The following MTAP variants were observed in gnomAD, a reference collection of about 807,000 sequenced individuals.
MTAP encodes the protein S-methyl-5'-thioadenosine phosphorylase.
Under a neutral mutation model 33.6 loss-of-function variants are expected in MTAP, and 33 were observed. That is an observed-to-expected ratio of 0.98 (90% CI 0.74 to 1.31). MTAP has a LOEUF of 1.31. Ranked by LOEUF, MTAP falls within the 40% of genes most tolerant of loss-of-function variation. MTAP has a pLI of 0.00. For synonymous variants in MTAP, 148 were observed against 125.7 expected (o/e 1.18, Z -1.19); for missense variants, 367 against 360.0 (o/e 1.02, Z -0.16).
chr9:21,826,276 T>G (rs1409938780), intron 4 of MTAP, among the ~76,000 whole-genome samples: 1 of 152,034 alleles, frequency 6.6e-6, no homozygotes, highest in Non-Finnish European at 1.5e-5. Flanking sequence ...CATGAACTTT[T>G]TTTTTAATAG....
At chr9:21,827,407 A>G (rs3922992) in intron 4 of MTAP, among the ~76,000 whole-genome samples, 52,421 of 151,996 alleles carry the variant, frequency 0.34, 9,858 homozygotes, top group East Asian at 0.44. Flanking sequence ...ATTCATTATA[A>G]TTTCCAGTCT....
At chr9:21,833,213 G>C (rs1435422467) in intron 4 of MTAP, among the ~76,000 whole-genome samples, 1 of 151,984 alleles carries the variant, frequency 6.6e-6, no homozygotes, top group Non-Finnish European at 1.5e-5. Context: ...TTTGAGACAA[G>C]ATCTCACTCT....
intron 5 of MTAP, among the ~76,000 whole-genome samples, chr9:21,846,089 T>A (rs1183245967): frequency 6.6e-6 from 1 of 152,128 alleles, no homozygotes. Flanking sequence ...TGGATCTTCA[T>A]CTCTCATATA....
intron 1 of MTAP, among the ~76,000 whole-genome samples, chr9:21,911,822 A>G (rs548679800): frequency 1.3e-5 from 2 of 152,336 alleles, no homozygotes; most frequent in East Asian, 3.9e-4. Flanking sequence ...AACCCATCAA[A>G]AAAATCAATG....
intron 4 of MTAP, among the ~76,000 whole-genome samples, chr9:21,835,664 G>A (rs567463425): frequency 6.6e-6 from 1 of 152,170 alleles, no homozygotes; most frequent in South Asian, 2.1e-4. Context: ...AGGAGGACTG[G>A]TGCTATTAAA....
At chr9:21,886,896 G>A (rs568310664) in intron 1 of MTAP, among the ~76,000 whole-genome samples, 118 of 152,100 alleles carry the variant, frequency 7.8e-4, no homozygotes, top group African/African-American at 2.5e-3. Flanking sequence ...TGTTCTTTTC[G>A]CTTAGTCTTG....
intron 6 of MTAP, among the ~76,000 whole-genome samples, chr9:21,856,706 G>A (rs530758640): frequency 6.6e-6 from 1 of 152,332 alleles, no homozygotes; most frequent in South Asian, 2.1e-4. Context: ...AGCTCTGTAA[G>A]TGGAAAGGCT....
downstream of MTAP, chr9:21,931,873 T>C (rs1294521122): frequency 1.3e-5 from 2 of 152,178 alleles, no homozygotes; most frequent in African/African-American, 4.8e-5. Context: ...CTTGGAAGAA[T>C]TATTTCCTTC....
At chr9:21,850,023 A>G (rs1172732661) in intron 5 of MTAP, among the ~76,000 whole-genome samples, 1 of 152,216 alleles carries the variant, frequency 6.6e-6, no homozygotes, top group African/African-American at 2.4e-5. Flanking sequence ...TCAACTCTTC[A>G]GTTTTGTGTC....
chr9:21,872,158 C>G (rs993120412), intron 1 of MTAP, among the ~76,000 whole-genome samples: 6 of 152,128 alleles, frequency 3.9e-5, no homozygotes, highest in African/African-American at 1.2e-4. Context: ...ACTAAAAATA[C>G]AAAAATTAAA....
intron 1 of MTAP, among the ~76,000 whole-genome samples, chr9:21,809,638 CA>C (rs34912134): frequency 0.014 from 1,718 of 124,070 alleles, 12 homozygotes; most frequent in Middle Eastern, 0.035. Flanking sequence ...GACTCCGTCT[CA>C]AAAAAAAAAA....
At chr9:21,885,766 G>A (rs1448394800) in intron 1 of MTAP, among the ~76,000 whole-genome samples, 1 of 146,228 alleles carries the variant, frequency 6.8e-6, no homozygotes, top group Non-Finnish European at 1.5e-5. Context: ...TTTATAGCTG[G>A]GTAGTATTAC....
chr9:21,830,811 A>G (rs900179390), intron 4 of MTAP, among the ~76,000 whole-genome samples: 10 of 152,222 alleles, frequency 6.6e-5, no homozygotes, highest in South Asian at 2.1e-4. Context: ...AAGCATGACT[A>G]TGCATCACTG....
intron 5 of MTAP, among the ~76,000 whole-genome samples, chr9:21,848,956 T>C (rs1825445028): frequency 6.6e-6 from 1 of 152,226 alleles, no homozygotes; most frequent in Non-Finnish European, 1.5e-5. Context: ...CTGACTCGTG[T>C]AAAGCTCTGG....
At chr9:21,877,784 A>G (rs976131256) in intron 1 of MTAP, among the ~76,000 whole-genome samples, 4 of 152,066 alleles carry the variant, frequency 2.6e-5, no homozygotes, top group African/African-American at 4.8e-5. Context: ...GGATTTTTGT[A>G]TCAATGTTCA....
chr9:21,813,267 G>A (rs1387475182), intron 1 of MTAP, among the ~76,000 whole-genome samples: 1 of 152,188 alleles, frequency 6.6e-6, no homozygotes, highest in Non-Finnish European at 1.5e-5. Flanking sequence ...TGTATCCCTC[G>A]CACAATGTAG....
Position 21,826,210 on chromosome 9 carries a change from A to T in MTAP, c.347+8008A>T, listed in dbSNP as rs551087807. Among the ~76,000 whole-genome samples the T allele has an allele frequency of 3.4e-5, 5 of 148,686 alleles. 1 individual carries two copies. In the East Asian group the frequency reaches 7.9e-4, roughly 23 times the overall value. Reference sequence around the variant, plus strand: ...TTTCTTTTTTTTTTTTTTTAAAGAGAGTATAAATTAGTATTTCCTTAGTAT... The same window carrying T: ...TTTCTTTTTTTTTTTTTTTAAAGAGTGTATAAATTAGTATTTCCTTAGTAT... On this transcript the variant is annotated intron_variant, in intron 4 of 7. Coordinates refer to ENST00000644715, the MANE Select transcript of MTAP (RefSeq NM_002451.4).
intron 1 of MTAP, among the ~76,000 whole-genome samples, chr9:21,902,071 C>G (rs763253212): frequency 3.3e-5 from 5 of 152,190 alleles, no homozygotes; most frequent in African/African-American, 7.2e-5. Flanking sequence ...GGTGCCATCT[C>G]CAGCTGAGTC....
At chr9:21,822,134 T>C (rs1363741875) in intron 4 of MTAP, among the ~76,000 whole-genome samples, 2 of 152,158 alleles carry the variant, frequency 1.3e-5, no homozygotes, top group Admixed American at 1.3e-4. Flanking sequence ...TCTCCTTCAG[T>C]TCTTCTCTGA....
Sources: gnomAD v4.1 joint callset for allele counts (sites outside exome capture counted in the v4.1 genomes callset) on GRCh38, gnomAD v4.1.1 for gene constraint, MANE v1.5 for transcripts, NCBI Gene and HGNC (gene_info 2026-07-23, HGNC 2026-07-21) for gene names.